The following ODF2 variants were observed in gnomAD, a reference collection of about 807,000 sequenced individuals.
The protein encoded by ODF2 is outer dense fiber of sperm tails 2.
In ODF2, 47 loss-of-function variants were observed where a neutral mutation model predicts 110.2. The observed-to-expected ratio is 0.43, with a 90% confidence interval of 0.34 to 0.54. The LOEUF is 0.54. Ranked by LOEUF, ODF2 falls within the 20% of genes least tolerant of loss-of-function variation. ODF2 has a pLI of 0.03. For synonymous variants in ODF2, 352 were observed against 397.7 expected (o/e 0.89, Z 1.37); for missense variants, 812 against 1,054.5 (o/e 0.77, Z 3.19).
intron 7 of ODF2, 49 bp downstream of exon 7, chr9:128,473,091 G>GA: frequency 6.2e-7 from 1 of 1,611,356 alleles, no homozygotes; most frequent in Non-Finnish European, 8.5e-7. Context: ...CCTCGGGAGG[G>GA]GGCAGCTGCA....
chr9:128,489,998 C>G (rs1844212523), intron 14 of ODF2, among the ~76,000 whole-genome samples: 1 of 152,048 alleles, frequency 6.6e-6, no homozygotes, highest in African/African-American at 2.4e-5. Flanking sequence ...AGTAGTATCT[C>G]ATTTGTATAG....
exon 19 of ODF2, chr9:128,498,529 C>T (rs16930426): frequency 3.1e-6 from 5 of 1,611,484 alleles, no homozygotes; most frequent in Non-Finnish European, 4.2e-6. Flanking sequence ...GAATGTGGGA[C>T]CCTGGCAAGG....
At chr9:128,458,583 CTCT>C in intron 2 of ODF2, among the ~76,000 whole-genome samples, 1 of 147,904 alleles carries the variant, frequency 6.8e-6, no homozygotes, top group East Asian at 2.0e-4. Flanking sequence ...TTTGCTCTCT[CTCT>C]TTTTTTTTTT....
upstream of ODF2, chr9:128,455,415 G>T (rs1436846817): frequency 1.2e-5 from 5 of 419,710 alleles, no homozygotes; most frequent in South Asian, 1.5e-4. Flanking sequence ...TTAGCCGGGC[G>T]TTGTGGCGGG....
At chr9:128,461,533 C>T (rs1045752444) in intron 4 of ODF2, among the ~76,000 whole-genome samples, 8 of 152,138 alleles carry the variant, frequency 5.3e-5, no homozygotes, top group African/African-American at 1.9e-4. Flanking sequence ...ATTCTCCAGC[C>T]TCAGCCTCCC....
Position 128,500,028 on chromosome 9 carries a change from C to T in ODF2, c.2302-39C>T, listed in dbSNP as rs374160023. The T allele has an allele frequency of 3.7e-6, 6 of 1,610,104 alleles. No homozygotes were observed. In the African/African-American group the frequency reaches 4.0e-5, roughly 11 times the overall value. On this transcript the variant is annotated intron_variant, in intron 20 of 20. Coordinates refer to ENST00000604420, the Ensembl canonical transcript of ODF2. ...TGTCTCTATGGATTTCTATTTTGGA[C>T]ACTGCACAGCGGGCCCATGCTCTGT...
chr9:128,471,410 G>A (rs764132782), exon 6 of ODF2: 2 of 1,613,390 alleles, frequency 1.2e-6, no homozygotes, highest in South Asian at 1.1e-5. Context: ...GACTGAGCAC[G>A]AGAACACGGT....
chr9:128,482,858 G>C, exon 10 of ODF2: 11 of 1,605,998 alleles, frequency 6.8e-6, no homozygotes, highest in Non-Finnish European at 8.5e-6. Context: ...GGAGGTGGAA[G>C]AGCTCCTTCA....
At chr9:128,460,947 T>C in exon 4 of ODF2, 1 of 1,614,158 alleles carries the variant, frequency 6.2e-7, no homozygotes, top group Non-Finnish European at 8.5e-7. Context: ...CACAGAAATC[T>C]CACAAGCGAG....
At chr9:128,473,668 T>A in exon 8 of ODF2, 1 of 1,613,908 alleles carries the variant, frequency 6.2e-7, no homozygotes, top group East Asian at 2.2e-5. Context: ...GAACTTCTCC[T>A]GCAGAAGCTG....
At chr9:128,497,160 CAG>C (rs1373905082) in intron 18 of ODF2, among the ~76,000 whole-genome samples, 2 of 151,754 alleles carry the variant, frequency 1.3e-5, no homozygotes, top group African/African-American at 2.4e-5. Context: ...GGTATTATCC[CAG>C]TTTTAAATAT....
intron 1 of ODF2, chr9:128,456,895 C>T (rs754401222): frequency 1.3e-5 from 17 of 1,284,898 alleles, no homozygotes; most frequent in Non-Finnish European, 1.6e-5. Flanking sequence ...TTGGTCCTCT[C>T]GGGCATCTGT....
At chr9:128,483,201 G>A (rs1842753684) in intron 10 of ODF2, among the ~76,000 whole-genome samples, 2 of 152,014 alleles carry the variant, frequency 1.3e-5, no homozygotes, top group Non-Finnish European at 2.9e-5. Context: ...CCGCAGTTGT[G>A]CATTTTTATG....
At chr9:128,484,969 G>A (rs779018093) in intron 12 of ODF2, 83 bp downstream of exon 12, 21 of 1,380,846 alleles carry the variant, frequency 1.5e-5, no homozygotes, top group Non-Finnish European at 2.1e-5. Context: ...CAGATGGGTA[G>A]CGGGGAGGGG....
At chr9:128,490,670 C>T (rs938135148) in intron 14 of ODF2, among the ~76,000 whole-genome samples, 1 of 152,142 alleles carries the variant, frequency 6.6e-6, no homozygotes, top group Admixed American at 6.6e-5. Flanking sequence ...TGAAGATCTT[C>T]GCTAGCCATG....
Position 128,494,837 on chromosome 9 carries a change from T to C in ODF2, c.1911+169T>C. The C allele has an allele frequency of 6.7e-7, 1 of 1,503,132 alleles. No homozygotes were observed. The highest frequency in any genetic ancestry group is 2.5e-5 in the East Asian group (1 of 40,586). The allele number at this position is 1,503,132 out of a possible 1,614,324, so 93.1% of individuals were successfully genotyped here. A position where few individuals can be genotyped will look rare whatever the true frequency, so the allele number is the denominator to read the frequency against. On this transcript the variant is annotated intron_variant, in intron 17 of 20. Transcript: ENST00000604420. This position sits in a 1 kb window ranked among gnomAD's most constrained non-coding sequence, Gnocchi z 4.6. ...TGAAATAAAAGTCTGGTGTGCCAAA[T>C]GCCATGTGTTTGCACAAAGTGATTG...
intron 4 of ODF2, among the ~76,000 whole-genome samples, chr9:128,463,366 C>T (rs1030032365): frequency 2.0e-5 from 3 of 152,116 alleles, no homozygotes; most frequent in African/African-American, 7.2e-5. Flanking sequence ...TACCTGTGAT[C>T]CCAGCACTTT....
chr9:128,462,631 G>T (rs1172550184), intron 4 of ODF2, among the ~76,000 whole-genome samples: 1 of 147,256 alleles, frequency 6.8e-6, no homozygotes, highest in South Asian at 2.1e-4. Flanking sequence ...ACGGAGTCTC[G>T]CTCTGTCACC....
chr9:128,500,245 C>T, exon 21 of ODF2: 1 of 1,614,190 alleles, frequency 6.2e-7, no homozygotes, highest in Non-Finnish European at 8.5e-7. Context: ...TCCCGATCTC[C>T]TCCTGCCTGA....
Sources: allele counts gnomAD v4.1 joint callset (sites outside exome capture counted in the v4.1 genomes callset), GRCh38; gene constraint gnomAD v4.1.1; non-coding constraint Gnocchi (gnomAD v3.1); transcripts MANE v1.5; gene names NCBI Gene and HGNC (gene_info 2026-07-23, HGNC 2026-07-21).